Variants in ADARB1 observed in about 807,000 individuals in gnomAD.
ADARB1 encodes the protein adenosine deaminase RNA specific B1.
Under a neutral mutation model 52.4 loss-of-function variants are expected in ADARB1, and 10 were observed. That is an observed-to-expected ratio of 0.19 (90% CI 0.12 to 0.32). The LOEUF (loss-of-function observed/expected upper bound fraction) is 0.32. Among genes scored for constraint, ADARB1 ranks in the 10% least tolerant of loss-of-function variants. The pLI is 1.00. For synonymous variants in ADARB1, 349 were observed against 371.1 expected, an observed-to-expected ratio of 0.94 and a Z score of 0.68; for missense variants, 643 against 922.3, an observed-to-expected ratio of 0.70 and a Z score of 3.92.
At chr21:45,119,530 C>T (rs1332925360) in intron 1 of ADARB1, among the ~76,000 whole-genome samples, 1 of 152,202 alleles carries the variant, frequency 6.6e-6, no homozygotes, top group Admixed American at 6.5e-5. Flanking sequence ...ACTTTTGATA[C>T]AGAAGTTCTT....
intron 1 of ADARB1, among the ~76,000 whole-genome samples, chr21:45,113,771 T>C (rs2087680514): frequency 6.6e-6 from 1 of 152,082 alleles, no homozygotes; most frequent in Non-Finnish European, 1.5e-5. Context: ...TTACAATGAA[T>C]GAACACAGCT....
At chr21:45,196,907 T>A (rs2092437106) in intron 8 of ADARB1, among the ~76,000 whole-genome samples, 1 of 152,222 alleles carries the variant, frequency 6.6e-6, no homozygotes, top group Non-Finnish European at 1.5e-5. Flanking sequence ...AAAGACAGTT[T>A]GACACAGCCA....
At chr21:45,219,989 CTTTTT>C (rs10718648) in intron 9 of ADARB1, among the ~76,000 whole-genome samples, 1 of 122,004 alleles carries the variant, frequency 8.2e-6, no homozygotes, top group Non-Finnish European at 1.7e-5. Flanking sequence ...TCTTGGTAGC[CTTTTT>C]TTTTTTTTTT....
At chr21:45,154,886 C>T (rs2090475491) in intron 2 of ADARB1, among the ~76,000 whole-genome samples, 1 of 152,190 alleles carries the variant, frequency 6.6e-6, no homozygotes, top group Non-Finnish European at 1.5e-5. Flanking sequence ...ATATATGGAG[C>T]GCTTCCTGCA....
chr21:45,109,497 C>G (rs1462433748), intron 1 of ADARB1, among the ~76,000 whole-genome samples: 1 of 152,196 alleles, frequency 6.6e-6, no homozygotes, highest in Non-Finnish European at 1.5e-5. Flanking sequence ...CTTTCCTTAT[C>G]AGTCTGGAGG....
rs544250826 is a variant in ADARB1 at position 45,173,203 on chromosome 21, C to T, written c.28+1519C>T. Among the ~76,000 whole-genome samples, 116 of 152,230 alleles carry T rather than the reference C, an allele frequency of 7.6e-4. No homozygotes were observed. In the Middle Eastern group the frequency reaches 0.014, roughly 18 times the overall value. On this transcript the variant is annotated intron_variant, in intron 3 of 10. Coordinates refer to ENST00000348831, the MANE Select transcript of ADARB1 (RefSeq NM_001112.4). ...CCCACATTTTTCTGTGAAGAGAAGC[C>T]GATGTTGTAGTGCTAAAACGTGGAC...
intron 5 of ADARB1, 107 bp downstream of exon 5, chr21:45,180,551 ACTT>A (rs1280793374): frequency 1.1e-6 from 1 of 902,346 alleles, no homozygotes; most frequent in East Asian, 2.7e-5. Flanking sequence ...GGAGATGGTT[ACTT>A]CTTTTCTTCT....
chr21:45,147,415 G>T (rs923659407), intron 2 of ADARB1, among the ~76,000 whole-genome samples: 1 of 152,186 alleles, frequency 6.6e-6, no homozygotes, highest in Admixed American at 6.5e-5. Flanking sequence ...CTGTGCATCC[G>T]TATTTAACAG....
In ADARB1 at chr21:45,224,593, G is replaced by GGTTCGGGGAGCCCTGGGT. The variant is rs2146488102; in HGVS notation, c.*2397_*2398insTTCGGGGAGCCCTGGGTG. Reference sequence around the variant, plus strand: ...GGGTGCCCTGGGCAGGGGGCTACTGGGGGGCGGCTGTGAGGAGGAGTTGGG... The same window carrying GGTTCGGGGAGCCCTGGGT: ...GGGTGCCCTGGGCAGGGGGCTACTGGGTTCGGGGAGCCCTGGGTGGGGCGGCTGTGAGGAGGAGTTGGG... On this transcript the variant is annotated 3_prime_UTR_variant, in exon 11 of 11. Transcript: ENST00000348831. The GGTTCGGGGAGCCCTGGGT allele has an allele frequency of 4.6e-6, 3 of 655,176 alleles. No homozygotes were observed. Among genetic ancestry groups the GGTTCGGGGAGCCCTGGGT allele is most frequent in the South Asian group, 7.6e-5 (1 of 13,098 alleles). 40.6% of individuals were successfully genotyped at this position (655,176 alleles called of 1,614,324 possible). A position where few individuals can be genotyped will look rare whatever the true frequency, so the allele number is the denominator to read the frequency against.
At chr21:45,168,986 G>A (rs2091370346) in intron 2 of ADARB1, among the ~76,000 whole-genome samples, 1 of 152,228 alleles carries the variant, frequency 6.6e-6, no homozygotes, top group Admixed American at 6.5e-5. Context: ...AAGCGGGGAT[G>A]CTGTCTCATT....
In ADARB1 at chr21:45,157,297, C is replaced by T. The variant is rs951322164; in HGVS notation, c.-47-14313C>T. ...TGGATCCAAAGCAGATTGAACAGTG[C>T]CAATTCTTAGTGCAGTTATAAGTGT... On this transcript the variant is annotated intron_variant, in intron 2 of 10. Coordinates refer to ENST00000348831, the MANE Select transcript of ADARB1 (RefSeq NM_001112.4). This position sits in a 1 kb window ranked among gnomAD's most constrained non-coding sequence, Gnocchi z 4.1. Among the ~76,000 whole-genome samples, 2 of 152,184 alleles carry T rather than the reference C, an allele frequency of 1.3e-5. No homozygotes were observed. The highest frequency in any genetic ancestry group is 4.8e-5 in the African/African-American group (2 of 41,434).
At chr21:45,151,300 A>G (rs757021066) in intron 2 of ADARB1, among the ~76,000 whole-genome samples, 1 of 152,370 alleles carries the variant, frequency 6.6e-6, no homozygotes, top group Non-Finnish European at 1.5e-5. Context: ...GTGTCTGGAC[A>G]CACACAAATT....
chr21:45,112,917 C>CTG (rs1447021948), intron 1 of ADARB1, among the ~76,000 whole-genome samples: 1 of 151,936 alleles, frequency 6.6e-6, no homozygotes, highest in Non-Finnish European at 1.5e-5. Flanking sequence ...CACGTGTGTC[C>CTG]TGTGTACACA....
rs569098635 is a variant in ADARB1 at position 45,204,532 on chromosome 21, A to G, written c.1566-23A>G. ...GACACTGAGTCCGAGCTCCCTGAAG[A>G]CTGTGCTTTCTTCTCCCTCCAGCTG... On this transcript the variant is annotated intron_variant, in intron 8 of 10. Coordinates refer to ENST00000348831, the MANE Select transcript of ADARB1 (RefSeq NM_001112.4). This position sits in a 1 kb window ranked among gnomAD's most constrained non-coding sequence, Gnocchi z 4.4. The G allele has an allele frequency of 1.3e-4, 202 of 1,612,770 alleles. 1 individual carries two copies. In the South Asian group the frequency reaches 2.0e-3, roughly 16 times the overall value.
intron 1 of ADARB1, among the ~76,000 whole-genome samples, chr21:45,078,885 C>CA (rs991323290): frequency 2.0e-5 from 3 of 152,012 alleles, no homozygotes; most frequent in African/African-American, 7.3e-5. Flanking sequence ...TATGACAGTC[C>CA]AAAAAGTAGG....
At position 45,221,000 on chromosome 21, in the gene ADARB1, C is replaced by T. The variant is rs1298111041; in HGVS notation, c.1912C>T (p.Arg638Cys). The T allele has an allele frequency of 6.2e-7, 1 of 1,611,366 alleles. No individual in the cohort carries two copies. The change falls in exon 10 of 11, where the codon CGT (arginine) becomes TGT (cysteine). Residue 638 changes from arginine to cysteine, a missense_variant. Physicochemically the swap from Arg to Cys is radical, Grantham distance 180. Around this residue, in one of 2 missense-constraint regions of ADARB1, gnomAD observed 263 missense variants for 475.8 expected, o/e 0.55. Coordinates refer to ENST00000348831, the MANE Select transcript of ADARB1 (RefSeq NM_001112.4). The surrounding 1 kb of genome is among the most constrained non-coding windows in gnomAD (Gnocchi z 6.3). ...CKHALYCRWM[R>C]VHGKVPSHLL... ...GCACGCGTTGTACTGTCGCTGGATG[C>T]GTGTGCACGGCAAGGTACTGAGGCG... is the stretch of plus-strand genomic sequence containing the variant.
At position 45,172,551 on chromosome 21, in the gene ADARB1, T is replaced by C. The variant is rs768874927; in HGVS notation, c.28+867T>C. On this transcript the variant is annotated intron_variant, in intron 3 of 10. Coordinates refer to ENST00000348831, the MANE Select transcript of ADARB1 (RefSeq NM_001112.4). This position sits in a 1 kb window ranked among gnomAD's most constrained non-coding sequence, Gnocchi z 4.4. ...GTCTTGGAGTCACTCTTGCGTACCA[T>C]GTAGAACCCAAACCATGACCCAGTG... 1.3e-5 allele frequency among the ~76,000 whole-genome samples: 2 copies of C among 152,192 alleles called. No individual in the cohort carries two copies. The highest frequency in any genetic ancestry group is 2.9e-5 in the Non-Finnish European group (2 of 68,040).
intron 7 of ADARB1, 21 bp downstream of exon 7, chr21:45,183,531 A>G (rs746186199): frequency 2.5e-6 from 4 of 1,609,326 alleles, no homozygotes; most frequent in South Asian, 2.2e-5. Context: ...AGATTCTTCA[A>G]CAAGCCAGTT....
intron 9 of ADARB1, among the ~76,000 whole-genome samples, chr21:45,212,179 G>A (rs573475521): frequency 5.3e-5 from 8 of 152,278 alleles, no homozygotes; most frequent in African/African-American, 1.4e-4. Flanking sequence ...TAATATAAGC[G>A]TTATCCATTT....
Sources: allele counts gnomAD v4.1 joint callset (sites outside exome capture counted in the v4.1 genomes callset), GRCh38; gene constraint gnomAD v4.1.1; regional missense constraint gnomAD v4.1.1; non-coding constraint Gnocchi (gnomAD v3.1); transcripts MANE v1.5; gene names NCBI Gene and HGNC (gene_info 2026-07-23, HGNC 2026-07-21).